The following CEP112 variants were observed in gnomAD, a reference collection of about 807,000 sequenced individuals.
The protein encoded by CEP112 is centrosomal protein 112, also known as centrosomal protein of 112 kDa.
CEP112 carries 127 observed loss-of-function variants against 153.0 expected under a neutral mutation model. The observed-to-expected ratio is 0.83, with a 90% CI of 0.72 to 0.96. The LOEUF is 0.96. CEP112 is among the 40% of genes least tolerant of loss of function. The pLI is 0.00. For synonymous variants in CEP112, 358 were observed against 374.4 expected (o/e 0.96, Z 0.51); for missense variants, 1,089 against 1,101.2 (o/e 0.99, Z 0.16).
chr17:65,970,080 GC>G (rs1319279566), intron 17 of CEP112, among the ~76,000 whole-genome samples: 3 of 152,270 alleles, frequency 2.0e-5, no homozygotes, highest in East Asian at 3.9e-4. Context: ...AAACATGCAT[GC>G]CACCTGCATA....
intron 12 of CEP112, among the ~76,000 whole-genome samples, chr17:66,040,413 A>G (rs1489928385): frequency 1.3e-5 from 2 of 150,930 alleles, no homozygotes; most frequent in Non-Finnish European, 2.9e-5. Flanking sequence ...ATTTTTTTCT[A>G]TATTTAAAAT....
chr17:65,965,518 C>CCTTTTTTTTTTTTTTTTTTTTT (rs1555734627), intron 17 of CEP112, among the ~76,000 whole-genome samples: 2 of 122,090 alleles, frequency 1.6e-5, no homozygotes, highest in African/African-American at 3.3e-5. Flanking sequence ...CTTCTGCCCC[C>CCTTTTTTTTTTTTTTTTTTTTT]TTTTTTTTTT....
intron 19 of CEP112, among the ~76,000 whole-genome samples, chr17:65,924,341 A>C (rs1053538032): frequency 3.3e-5 from 5 of 152,164 alleles, no homozygotes; most frequent in African/African-American, 1.2e-4. Flanking sequence ...AATCCTCCCG[A>C]AACATATGTG....
chr17:65,969,058 T>C (rs899734822), intron 17 of CEP112, among the ~76,000 whole-genome samples: 14 of 141,450 alleles, frequency 9.9e-5, no homozygotes, highest in African/African-American at 3.7e-4. Flanking sequence ...ATTATATCAG[T>C]TTTTTGTTTT....
chr17:65,675,291 CA>C, intron 24 of CEP112, among the ~76,000 whole-genome samples: 1 of 152,290 alleles, frequency 6.6e-6, no homozygotes, highest in East Asian at 1.9e-4. Flanking sequence ...AATCTTCCAA[CA>C]AAGAAAAGTC....
At chr17:65,782,893 T>C (rs1414480706) in intron 21 of CEP112, among the ~76,000 whole-genome samples, 3 of 151,952 alleles carry the variant, frequency 2.0e-5, no homozygotes, top group African/African-American at 7.3e-5. Flanking sequence ...ACAGGATCAT[T>C]TGTACCATAG....
intron 8 of CEP112, among the ~76,000 whole-genome samples, chr17:66,071,237 A>G (rs932022614): frequency 6.6e-6 from 1 of 152,178 alleles, no homozygotes; most frequent in African/African-American, 2.4e-5. Flanking sequence ...TCATGACTTA[A>G]ATGTTATGAA....
intron 20 of CEP112, among the ~76,000 whole-genome samples, chr17:65,886,593 C>A (rs1323843906): frequency 6.6e-6 from 1 of 152,184 alleles, no homozygotes; most frequent in Non-Finnish European, 1.5e-5. Context: ...TTTTGTGGGA[C>A]TGGCCCAATT....
chr17:66,060,945 G>C (rs553971526), intron 11 of CEP112, among the ~76,000 whole-genome samples: 7 of 147,042 alleles, frequency 4.8e-5, no homozygotes, highest in African/African-American at 1.5e-4. Flanking sequence ...CTTCTGCATG[G>C]AAAAAAAAAT....
At chr17:65,769,187 C>CA (rs1304524461) in intron 21 of CEP112, among the ~76,000 whole-genome samples, 1 of 151,428 alleles carries the variant, frequency 6.6e-6, no homozygotes, top group Admixed American at 6.6e-5. Flanking sequence ...ACAATCACAT[C>CA]AAAAAAATAA....
At chr17:65,773,160 G>C (rs1222933934) in intron 21 of CEP112, among the ~76,000 whole-genome samples, 1 of 152,180 alleles carries the variant, frequency 6.6e-6, no homozygotes, top group East Asian at 1.9e-4. Context: ...TGACAGGAGT[G>C]ACGTGCAAAG....
rs867118813 is a variant in CEP112, at chr17:65,896,670, C to G, written c.2163+5482G>C. Among the ~76,000 whole-genome samples the G allele has an allele frequency of 2.0e-5, 3 of 151,776 alleles. No individual in the cohort carries two copies. In the South Asian group the frequency reaches 6.2e-4, roughly 32 times the overall value. ...CCAAAATATGCTGAGAATTTTTGCC[C>G]CCTCTATTTGGAAAATTCTGTATGA... On this transcript the variant is annotated intron_variant, in intron 20 of 26. Transcript: ENST00000535342.
chr17:66,159,603 A>G (rs1004083405), intron 4 of CEP112, among the ~76,000 whole-genome samples: 4 of 152,354 alleles, frequency 2.6e-5, no homozygotes, highest in Admixed American at 6.5e-5. Flanking sequence ...CAAAAACCAC[A>G]TGATTATCTC....
At chr17:65,827,576 T>C (rs553015721) in intron 21 of CEP112, among the ~76,000 whole-genome samples, 11 of 152,334 alleles carry the variant, frequency 7.2e-5, no homozygotes, top group Admixed American at 7.2e-4. Flanking sequence ...GCTAGAATGA[T>C]CTTTTAAAGC....
Position 66,167,025 on chromosome 17 carries a change from C to T in CEP112, c.470+8019G>A, listed in dbSNP as rs75466507. ...CTATCCTTGAAAAAGAGGCCTATTA[C>T]ATTGTTTAAAGATTCCTATAAAGCC... is the stretch of plus-strand genomic sequence containing the variant. On this transcript the variant is annotated intron_variant, in intron 4 of 26. Coordinates refer to ENST00000535342, the MANE Select transcript of CEP112 (RefSeq NM_001199165.4). Among the ~76,000 whole-genome samples the T allele has an allele frequency of 2.2e-3, 331 of 152,036 alleles. 9 individuals carry two copies. In the East Asian group the frequency reaches 0.058, roughly 27 times the overall value.
At chr17:66,076,288 C>T (rs1183641715) in intron 8 of CEP112, among the ~76,000 whole-genome samples, 1 of 152,128 alleles carries the variant, frequency 6.6e-6, no homozygotes, top group African/African-American at 2.4e-5. Flanking sequence ...TCTTTTGCAG[C>T]TGGGAACTAG....
At chr17:65,744,533 C>T (rs551948874) in intron 22 of CEP112, among the ~76,000 whole-genome samples, 8 of 152,342 alleles carry the variant, frequency 5.3e-5, no homozygotes, top group Admixed American at 1.3e-4. Context: ...GCGTGAGCCA[C>T]CATGCTTGGC....
rs183724459 is a variant in CEP112 at position 65,659,932 on chromosome 17, G to A, written c.2698-18867C>T. ...GTAGGAACTTTCAAGATGGATGAGAGGAAGAAAAAACTGCTAGCTGAGGAA... is the reference window on the plus strand; with the variant it reads ...GTAGGAACTTTCAAGATGGATGAGAAGAAGAAAAAACTGCTAGCTGAGGAA... On this transcript the variant is annotated intron_variant, in intron 24 of 26. Coordinates refer to ENST00000535342, the MANE Select transcript of CEP112 (RefSeq NM_001199165.4). Among the ~76,000 whole-genome samples, 44 of 152,230 alleles carry A rather than the reference G, an allele frequency of 2.9e-4. No individual in the cohort carries two copies. The East Asian group carries it at 8.3e-3, about 29-fold the overall frequency.
intron 21 of CEP112, among the ~76,000 whole-genome samples, chr17:65,799,176 C>CA (rs2055111839): frequency 6.6e-6 from 1 of 152,084 alleles, no homozygotes; most frequent in African/African-American, 2.4e-5. Flanking sequence ...ATTTTCTAGG[C>CA]AAAAAATTTC....
Sources: allele counts gnomAD v4.1 joint callset (sites outside exome capture counted in the v4.1 genomes callset), GRCh38; gene constraint gnomAD v4.1.1; transcripts MANE v1.5; gene names NCBI Gene and HGNC (gene_info 2026-07-23, HGNC 2026-07-21).